Variants in AUTS2 observed in about 807,000 individuals in gnomAD.
The protein encoded by AUTS2 is autism susceptibility gene 2 protein.
Under a neutral mutation model 112.4 loss-of-function variants are expected in AUTS2, and 17 were observed. That is an observed-to-expected ratio of 0.15 (90% CI 0.10 to 0.23). The LOEUF is 0.23. Ranked by LOEUF, AUTS2 falls within the 10% of genes least tolerant of loss-of-function variation. The probability of loss-of-function intolerance (pLI) is 1.00; values close to 1 mark genes in which losing one functional copy is unlikely to be tolerated. For synonymous variants in AUTS2, 751 were observed against 702.7 expected (o/e 1.07, Z -1.09); for missense variants, 1,510 against 1,701.6 (o/e 0.89, Z 1.98).
chr7:69,782,733 A>G (rs930918175), intron 1 of AUTS2, among the ~76,000 whole-genome samples: 6 of 152,298 alleles, frequency 3.9e-5, no homozygotes, highest in South Asian at 2.1e-4. Context: ...CAGATCCTCT[A>G]TTGGGAAGGA....
At chr7:70,284,399 G>T (rs929136364) in intron 4 of AUTS2, among the ~76,000 whole-genome samples, 2 of 152,178 alleles carry the variant, frequency 1.3e-5, no homozygotes, top group East Asian at 1.9e-4. Flanking sequence ...TTTCTGGATT[G>T]CTGGATCAAA....
chr7:70,585,860 GTATGTATATATGTATGTTTT>G (rs1563058169), intron 5 of AUTS2, among the ~76,000 whole-genome samples: 11 of 151,596 alleles, frequency 7.3e-5, no homozygotes, highest in Admixed American at 2.0e-4. Context: ...ATTTATTTAT[GTATGTATATATGTATGTTTT>G]GAGACAGTGT....
intron 2 of AUTS2, among the ~76,000 whole-genome samples, chr7:70,070,787 G>A (rs553160441): frequency 2.0e-5 from 3 of 151,824 alleles, no homozygotes; most frequent in South Asian, 2.1e-4. Flanking sequence ...CAGGAGAATC[G>A]CTTGAACCTG....
intron 2 of AUTS2, among the ~76,000 whole-genome samples, chr7:69,961,179 A>G (rs1408298230): frequency 6.6e-6 from 1 of 152,116 alleles, no homozygotes; most frequent in Non-Finnish European, 1.5e-5. Context: ...GTGTTTGGCT[A>G]CCAGTGTCTC....
chr7:69,708,147 C>T (rs1798149099), intron 1 of AUTS2, among the ~76,000 whole-genome samples: 1 of 152,080 alleles, frequency 6.6e-6, no homozygotes, highest in African/African-American at 2.4e-5. Context: ...CTGAATGGCT[C>T]AGAGAGGACA....
chr7:70,414,290 C>T (rs565469677), intron 4 of AUTS2, among the ~76,000 whole-genome samples: 1 of 152,260 alleles, frequency 6.6e-6, no homozygotes, highest in South Asian at 2.1e-4. Context: ...ACTTGTGATG[C>T]TCTTCCAAGG....
At chr7:70,233,569 C>T (rs1243104332) in intron 4 of AUTS2, among the ~76,000 whole-genome samples, 1 of 152,212 alleles carries the variant, frequency 6.6e-6, no homozygotes, top group Non-Finnish European at 1.5e-5. Context: ...CGGGCAGATA[C>T]ATTTGTCAAA....
At chr7:70,769,019 C>T (rs1160498554) in intron 10 of AUTS2, among the ~76,000 whole-genome samples, 1 of 151,886 alleles carries the variant, frequency 6.6e-6, no homozygotes, top group Non-Finnish European at 1.5e-5. Context: ...AATAGATCAG[C>T]AAAGACTGAA....
chr7:69,900,612 G>A (rs1184492804), intron 2 of AUTS2, among the ~76,000 whole-genome samples: 1 of 152,190 alleles, frequency 6.6e-6, no homozygotes, highest in Non-Finnish European at 1.5e-5. Context: ...AGAATCAAGA[G>A]TGTATTTGGG....
intron 4 of AUTS2, among the ~76,000 whole-genome samples, chr7:70,270,414 A>G (rs951993101): frequency 2.0e-5 from 3 of 152,166 alleles, no homozygotes; most frequent in African/African-American, 7.2e-5. Context: ...TTGGTGTGGT[A>G]GTACACGCCA....
chr7:70,187,577 C>T (rs913231486), intron 4 of AUTS2, among the ~76,000 whole-genome samples: 58 of 152,210 alleles, frequency 3.8e-4, no homozygotes, highest in African/African-American at 1.4e-3. Flanking sequence ...AGTAATTCCG[C>T]CTCAGTTTTC....
intron 6 of AUTS2, among the ~76,000 whole-genome samples, chr7:70,740,374 A>G (rs1348029882): frequency 6.6e-6 from 1 of 152,110 alleles, no homozygotes; most frequent in Non-Finnish European, 1.5e-5. Flanking sequence ...GGAGATTCAT[A>G]TTCTGTCATT....
chr7:69,630,759 A>G (rs995803653), intron 1 of AUTS2, among the ~76,000 whole-genome samples: 1 of 152,190 alleles, frequency 6.6e-6, no homozygotes, highest in African/African-American at 2.4e-5. Flanking sequence ...ACTTTAAACA[A>G]TTAAAGATTC....
intron 4 of AUTS2, among the ~76,000 whole-genome samples, chr7:70,205,280 T>C (rs1408771106): frequency 6.6e-6 from 1 of 152,162 alleles, no homozygotes; most frequent in African/African-American, 2.4e-5. Flanking sequence ...ACTCTTAGCC[T>C]CAGGTGACCC....
At chr7:70,487,110 A>G (rs1171816443) in intron 5 of AUTS2, among the ~76,000 whole-genome samples, 1 of 152,020 alleles carries the variant, frequency 6.6e-6, no homozygotes, top group Non-Finnish European at 1.5e-5. Flanking sequence ...CGTTACTGGG[A>G]GAGGACGGTA....
chr7:70,384,241 G>A (rs925726127), intron 4 of AUTS2, among the ~76,000 whole-genome samples: 1 of 152,164 alleles, frequency 6.6e-6, no homozygotes, highest in Non-Finnish European at 1.5e-5. Flanking sequence ...GCACCACTCT[G>A]CCTGAGGGAT....
chr7:69,679,276 C>T (rs1036227171), intron 1 of AUTS2, among the ~76,000 whole-genome samples: 3 of 152,078 alleles, frequency 2.0e-5, no homozygotes, highest in Admixed American at 6.6e-5. Context: ...CATTAATGGG[C>T]GATAGTATTG....
At chr7:70,322,855 C>T (rs930225711) in intron 4 of AUTS2, among the ~76,000 whole-genome samples, 3 of 152,102 alleles carry the variant, frequency 2.0e-5, no homozygotes, top group African/African-American at 7.2e-5. Context: ...ATGCTGAATC[C>T]CAGCTCCACT....
At chr7:70,679,242 A>T (rs10227976) in intron 5 of AUTS2, among the ~76,000 whole-genome samples, 1 of 152,202 alleles carries the variant, frequency 6.6e-6, no homozygotes, top group Non-Finnish European at 1.5e-5. Context: ...ACAAACAAAA[A>T]TGAGTAACTG....
Sources: allele counts gnomAD v4.1 joint callset (sites outside exome capture counted in the v4.1 genomes callset), GRCh38; gene constraint gnomAD v4.1.1; transcripts MANE v1.5; gene names NCBI Gene and HGNC (gene_info 2026-07-23, HGNC 2026-07-21).